Variants in ZNF33A observed in about 807,000 individuals in gnomAD.
ZNF33A encodes brain my041 protein.
In ZNF33A, 9 loss-of-function variants were observed where a neutral mutation model predicts 15.9. The observed-to-expected ratio is 0.57, with a 90% CI of 0.34 to 0.99. The LOEUF (loss-of-function observed/expected upper bound fraction) is 0.99, where lower values mean the gene tolerates loss of function less well. Ranked by LOEUF, ZNF33A falls within the 50% of genes least tolerant of loss-of-function variation. The pLI is 0.02. For missense variants in ZNF33A, 843 were observed against 941.6 expected, an observed-to-expected ratio of 0.90 and a Z score of 1.37; for synonymous variants, 294 against 324.2, an observed-to-expected ratio of 0.91 and a Z score of 1.00.
intron 4 of ZNF33A, among the ~76,000 whole-genome samples, chr10:38,025,203 A>G (rs559112713): frequency 6.6e-6 from 1 of 152,220 alleles, no homozygotes. Context: ...CTGTATGTAT[A>G]TATTAATAGC....
intron 4 of ZNF33A, among the ~76,000 whole-genome samples, chr10:38,048,715 G>A (rs181494093): frequency 6.6e-6 from 1 of 152,084 alleles, no homozygotes. Context: ...TCCATTCATC[G>A]AGAGGATTTA....
At chr10:38,030,041 A>C (rs1047992325) in intron 4 of ZNF33A, among the ~76,000 whole-genome samples, 1 of 152,200 alleles carries the variant, frequency 6.6e-6, no homozygotes, top group African/African-American at 2.4e-5. Context: ...ATACCCAGAC[A>C]CGTTATACTG....
At chr10:38,034,055 C>G (rs1385129191) in intron 4 of ZNF33A, among the ~76,000 whole-genome samples, 1 of 152,126 alleles carries the variant, frequency 6.6e-6, no homozygotes, top group African/African-American at 2.4e-5. Flanking sequence ...ATTTATGTAT[C>G]TCCTTTGTCA....
Position 38,056,220 on chromosome 10 carries a change from G to C in ZNF33A, c.2096G>C (p.Gly699Ala). 1 of 1,614,106 alleles carries C rather than the reference G, an allele frequency of 6.2e-7. No individual in the cohort carries two copies. The highest frequency in any genetic ancestry group is 8.5e-7 in the Non-Finnish European group (1 of 1,179,984). The change falls in exon 5 of 5, where the codon GGG becomes GCG. Residue 699 changes from glycine (G) to alanine (A), a missense_variant. Physicochemically the swap from Gly to Ala is moderately conservative, Grantham distance 60 (BLOSUM62 0). Coordinates refer to ENST00000432900, the MANE Select transcript of ZNF33A (RefSeq NM_006954.2). ...AAACCCTATGAATGCAATGAATGTGGGAAATTCTTCAGGCACAAATCATCA... is the reference window on the plus strand; with the variant it reads ...AAACCCTATGAATGCAATGAATGTGCGAAATTCTTCAGGCACAAATCATCA... ...GEKPYECNEC[G>A]KFFRHKSSLT... is the part of the protein sequence containing the mutation.
chr10:38,035,111 C>CTTT (rs71007683), intron 4 of ZNF33A, among the ~76,000 whole-genome samples: 1,786 of 85,670 alleles, frequency 0.021, 52 homozygotes, highest in African/African-American at 0.023. Flanking sequence ...CATTTACTTT[C>CTTT]TTTTTTTTTT....
At chr10:38,032,809 G>A (rs1452846984) in intron 4 of ZNF33A, among the ~76,000 whole-genome samples, 11 of 151,590 alleles carry the variant, frequency 7.3e-5, no homozygotes, top group East Asian at 3.9e-4. Flanking sequence ...GTACAGTGGC[G>A]CGATCTTGGC....
intron 4 of ZNF33A, among the ~76,000 whole-genome samples, chr10:38,050,917 T>C (rs1397203024): frequency 4.6e-5 from 7 of 152,332 alleles, no homozygotes; most frequent in Non-Finnish European, 2.9e-5. Context: ...CTTTGGAGTG[T>C]AGATTCTCTG....
downstream of ZNF33A, among the ~76,000 whole-genome samples, chr10:38,066,072 C>G (rs1172784902): frequency 1.3e-5 from 2 of 152,140 alleles, no homozygotes; most frequent in Non-Finnish European, 2.9e-5. Flanking sequence ...AATACATCTT[C>G]ATCTGGCCTT....
rs144761582 is a variant in ZNF33A at position 38,054,686 on chromosome 10, C to G, written c.562C>G (p.Gln188Glu). Residue 188 changes from glutamine to glutamate, a missense_variant, in exon 5 of 5, where the codon CAA becomes GAA. By Grantham distance (29) the Gln-to-Glu change is conservative (BLOSUM62 2). Transcript: ENST00000432900. ...LNIKHDETHTQEKNEVLKNRN... is the reference protein window; with the variant it reads ...LNIKHDETHTEEKNEVLKNRN... ...TATTAAGCATGATGAAACTCATACT[C>G]AAGAGAAAAATGAAGTTTTGAAAAA... 167 of 1,613,488 alleles carry G rather than the reference C, an allele frequency of 1.0e-4. 1 individual carries two copies. Among genetic ancestry groups the G allele is most frequent in the Non-Finnish European group, 5.9e-5 (70 of 1,179,910 alleles).
chr10:38,052,119 A>G (rs1313686098), intron 4 of ZNF33A, among the ~76,000 whole-genome samples: 1 of 152,142 alleles, frequency 6.6e-6, no homozygotes, highest in Non-Finnish European at 1.5e-5. Context: ...ACTACTTAGT[A>G]TAACCAGGGA....
chr10:38,035,981 A>G (rs1256439115), intron 4 of ZNF33A, among the ~76,000 whole-genome samples: 1 of 152,192 alleles, frequency 6.6e-6, no homozygotes, highest in African/African-American at 2.4e-5. Context: ...CTTTTGTAAA[A>G]GGCTGTTTTT....
intron 4 of ZNF33A, among the ~76,000 whole-genome samples, chr10:38,031,533 C>T (rs139079817): frequency 0.011 from 1,542 of 139,826 alleles, 31 homozygotes; most frequent in African/African-American, 0.04. Flanking sequence ...TGGCACCATT[C>T]GACTCCAGCC....
At chr10:38,023,302 C>A (rs1490527391) in intron 4 of ZNF33A, among the ~76,000 whole-genome samples, 1 of 152,138 alleles carries the variant, frequency 6.6e-6, no homozygotes, top group East Asian at 1.9e-4. Context: ...ATCATACAGA[C>A]AGTACAAAAA....
At position 38,017,023 on chromosome 10, in the gene ZNF33A, C is replaced by T; in HGVS notation, c.154+8C>T. The T allele has an allele frequency of 6.2e-7, 1 of 1,600,762 alleles. No individual in the cohort carries two copies. Among genetic ancestry groups the T allele is most frequent in the Non-Finnish European group, 8.5e-7 (1 of 1,175,292 alleles). ...GCAACCTTGTCTCAGTGGGTAAGGT[C>T]TGTTCACTGTATCATTCTAAATAGC... On this transcript the variant is annotated splice_region_variant and intron_variant, in intron 3 of 4. Transcript: ENST00000432900.
chr10:38,012,483 G>A, intron 2 of ZNF33A, 133 bp downstream of exon 2: 7 of 1,093,736 alleles, frequency 6.4e-6, no homozygotes, highest in Non-Finnish European at 9.0e-6. Flanking sequence ...CCAGGCTGGA[G>A]TACAATGTCC....
rs1273769798 is a variant in ZNF33A at position 38,057,482 on chromosome 10, G to C, written c.*922G>C. 1.0e-6 allele frequency: 1 copy of C among 985,254 alleles called. No individual in the cohort carries two copies. Among genetic ancestry groups the C allele is most frequent in the Non-Finnish European group, 1.2e-6 (1 of 829,932 alleles). The allele number at this position is 985,254 out of a possible 1,614,324, so 61.0% of individuals were successfully genotyped here. ...TTTCATATGCATAATGGAATTTAAC[G>C]TAATTGTGAATAGGAAGTAGGTATC... On this transcript the variant is annotated 3_prime_UTR_variant, in exon 5 of 5. Transcript: ENST00000432900.
At position 38,012,310 on chromosome 10, in the gene ZNF33A, A is replaced by C; in HGVS notation, c.-32A>C. 6.2e-7 allele frequency: 1 copy of C among 1,610,652 alleles called. No homozygotes were observed. Among genetic ancestry groups the C allele is most frequent in the Non-Finnish European group, 8.5e-7 (1 of 1,178,658 alleles). ...TTTTCTAACTCAGCTGTATCTTCAG[A>C]GTTGTCTCCGTCTTTCCAAGAACAG... On this transcript the variant is annotated 5_prime_UTR_variant, in exon 2 of 5. Coordinates refer to ENST00000432900, the MANE Select transcript of ZNF33A (RefSeq NM_006954.2).
intron 2 of ZNF33A, chr10:38,016,127 G>T: frequency 1.4e-6 from 1 of 704,684 alleles, no homozygotes; most frequent in Non-Finnish European, 2.0e-6. Flanking sequence ...TTAGAACCCA[G>T]AATATGTATT....
Position 38,054,658 on chromosome 10 carries a change from C to G in ZNF33A, c.534C>G (p.Leu178=), listed in dbSNP as rs777927072. The change falls in exon 5 of 5, where the codon CTC becomes CTG. Residue 178 remains leucine (L), a synonymous_variant. Coordinates refer to ENST00000432900, the MANE Select transcript of ZNF33A (RefSeq NM_006954.2). ...TTAATGCCTGTGGGAAATTGTTACT[C>G]AATATTAAGCATGATGAAACTCATA... ...DEFNACGKLL[L]NIKHDETHTQ... 4 of 1,613,070 alleles carry G rather than the reference C, an allele frequency of 2.5e-6. No individual in the cohort carries two copies. The highest frequency in any genetic ancestry group is 3.4e-6 in the Non-Finnish European group (4 of 1,179,790).
Sources: gnomAD v4.1 joint callset for allele counts (sites outside exome capture counted in the v4.1 genomes callset) on GRCh38, gnomAD v4.1.1 for gene constraint, MANE v1.5 for transcripts, NCBI Gene and HGNC (gene_info 2026-07-23, HGNC 2026-07-21) for gene names.